Variants in XKR6 observed in about 807,000 individuals in gnomAD.
XKR6 encodes XK related 6.
XKR6 carries 22 observed loss-of-function variants against 56.7 expected under a neutral mutation model. The ratio of observed to expected loss-of-function variants is 0.39; its 90% CI spans 0.28 to 0.55. XKR6 has a LOEUF of 0.55. Ranked by LOEUF, XKR6 falls within the 20% of genes least tolerant of loss-of-function variation. XKR6 has a pLI of 0.66. For missense variants in XKR6, 852 were observed against 889.0 expected (o/e 0.96, Z 0.53); for synonymous variants, 524 against 387.8 (o/e 1.35, Z -4.13).
chr8:10,969,848 T>G (rs2129133526), intron 1 of XKR6, among the ~76,000 whole-genome samples: 1 of 152,112 alleles, frequency 6.6e-6, no homozygotes, highest in South Asian at 2.1e-4. Context: ...CTGCCTGGGG[T>G]GGTTTATTTG....
At chr8:11,052,966 G>C (rs980799264) in intron 1 of XKR6, among the ~76,000 whole-genome samples, 5 of 152,200 alleles carry the variant, frequency 3.3e-5, no homozygotes, top group African/African-American at 9.6e-5. Context: ...GGCATGTTTG[G>C]TCACAGTGCT....
intron 1 of XKR6, among the ~76,000 whole-genome samples, chr8:10,986,122 C>A (rs1347899625): frequency 1.3e-5 from 2 of 152,122 alleles, no homozygotes; most frequent in Non-Finnish European, 2.9e-5. Flanking sequence ...AGACCAGAAA[C>A]AGACTGAAGA....
intron 1 of XKR6, among the ~76,000 whole-genome samples, chr8:11,081,570 G>A (rs187404663): frequency 7.9e-5 from 12 of 152,270 alleles, no homozygotes; most frequent in Middle Eastern, 6.8e-3. Context: ...TTCCATCTCA[G>A]GAAATTCCCA....
intron 1 of XKR6, among the ~76,000 whole-genome samples, chr8:11,115,280 G>C (rs186466529): frequency 4.9e-4 from 74 of 152,260 alleles, no homozygotes; most frequent in Middle Eastern, 3.4e-3. Flanking sequence ...TTCTCATTTG[G>C]AGAATGCTGG....
At chr8:10,962,719 G>A (rs1357541958) in intron 1 of XKR6, among the ~76,000 whole-genome samples, 10 of 151,824 alleles carry the variant, frequency 6.6e-5, no homozygotes, top group African/African-American at 2.2e-4. Flanking sequence ...TCTGTCTCCC[G>A]GGTTCAAGCA....
chr8:11,105,297 G>A (rs1046378441), intron 1 of XKR6: 1 of 152,142 alleles, frequency 6.6e-6, no homozygotes. Context: ...ACATACATTA[G>A]AGAAAAGGAC....
At chr8:10,938,737 G>A (rs1223988800) in intron 1 of XKR6, among the ~76,000 whole-genome samples, 1 of 152,204 alleles carries the variant, frequency 6.6e-6, no homozygotes, top group Non-Finnish European at 1.5e-5. Context: ...GTGTTCTGGG[G>A]TGGTGGAACT....
chr8:11,106,859 A>T lies in XKR6; in HGVS notation c.764+93717T>A, dbSNP rs531766269. Among the ~76,000 whole-genome samples the T allele has an allele frequency of 2.7e-4, 41 of 149,212 alleles. 2 individuals are homozygous for T. Among genetic ancestry groups the T allele is most frequent in the Middle Eastern group, 6.8e-3 (2 of 294 alleles). Reference sequence around the variant, plus strand: ...GAGTGAGACTTCATCTCAAAAAAAAAAAAAAATAAAAAAGATACAACGTTA... The same window carrying T: ...GAGTGAGACTTCATCTCAAAAAAAATAAAAAATAAAAAAGATACAACGTTA... On this transcript the variant is annotated intron_variant, in intron 1 of 2. Transcript: ENST00000416569.
At position 11,182,028 on chromosome 8, in the gene XKR6, G is replaced by A. The variant is rs576876129; in HGVS notation, c.764+18548C>T. On this transcript the variant is annotated intron_variant, in intron 1 of 2. Transcript: ENST00000416569. ...TTGAACTCCCACACTCAAGCGATCC[G>A]CTCGCTTCCCAAAGTGCTGGGATTA... Among the ~76,000 whole-genome samples the A allele has an allele frequency of 5.3e-5, 8 of 152,248 alleles. No homozygotes were observed. The South Asian group carries it at 1.0e-3, about 20-fold the overall frequency.
At chr8:11,177,589 T>G (rs1802725208) in intron 1 of XKR6, among the ~76,000 whole-genome samples, 1 of 152,138 alleles carries the variant, frequency 6.6e-6, no homozygotes, top group African/African-American at 2.4e-5. Flanking sequence ...GGCAAGGCCC[T>G]TAATCCAACA....
chr8:10,991,938 T>C lies in XKR6; in HGVS notation c.765-67108A>G, dbSNP rs535691396. 1.1e-3 allele frequency among the ~76,000 whole-genome samples: 175 copies of C among 152,334 alleles called. 1 individual carries two copies. The highest frequency in any genetic ancestry group is 4.1e-3 in the African/African-American group (171 of 41,580). ...AAAGTAGAAAAATAAACCTGGATAA[T>C]TCTATTCCCCACTTAGATTCTGTAT... On this transcript the variant is annotated intron_variant, in intron 1 of 2. Coordinates refer to ENST00000416569, the MANE Select transcript of XKR6 (RefSeq NM_173683.4).
intron 1 of XKR6, chr8:11,108,070 G>T (rs1586554758): frequency 6.1e-6 from 2 of 330,020 alleles, no homozygotes; most frequent in African/African-American, 2.2e-5. Context: ...AGTGAACGAT[G>T]TAACAGGTGG....
chr8:11,116,668 G>C (rs1219706281), intron 1 of XKR6, among the ~76,000 whole-genome samples: 2 of 152,160 alleles, frequency 1.3e-5, no homozygotes, highest in African/African-American at 4.8e-5. Flanking sequence ...ACTACACCAG[G>C]CCTATTTGCT....
chr8:10,899,347 T>C (rs1441617789), intron 2 of XKR6, among the ~76,000 whole-genome samples: 1 of 152,254 alleles, frequency 6.6e-6, no homozygotes, highest in Admixed American at 6.5e-5. Flanking sequence ...TCGCCAATTG[T>C]GAAGACCAAG....
At chr8:10,955,587 A>AT (rs941535790) in intron 1 of XKR6, among the ~76,000 whole-genome samples, 23 of 152,158 alleles carry the variant, frequency 1.5e-4, no homozygotes, top group African/African-American at 5.6e-4. Context: ...TCATAGTCCC[A>AT]TTTTACAGAT....
chr8:11,123,793 C>G lies in XKR6; in HGVS notation c.764+76783G>C, dbSNP rs1204660637. The G allele has an allele frequency of 8.9e-6, 4 of 449,572 alleles. No homozygotes were observed. The East Asian group carries it at 2.8e-4, about 32-fold the overall frequency. The allele number at this position is 449,572 out of a possible 1,614,324, so 27.8% of individuals were successfully genotyped here. On this transcript the variant is annotated intron_variant, in intron 1 of 2. Transcript: ENST00000416569. ...GAAAAACAAAAAAGTCTCCTCATCT[C>G]AGTGTAATGCCAGACACTATTTGGA...
In XKR6 at chr8:10,898,645, G is replaced by A; in HGVS notation, c.1233C>T (p.Ser411=). ...TGTTGAAGAGGATCTCCTCCCACTT[G>A]GACATGCAGAAGTCTGTTCCGCCAT... ...IIHGGTDFCM[S]KWEEILFNMV... is the part of the protein sequence containing the mutation. The change falls in exon 3 of 3, where the codon TCC becomes TCT. Residue 411 remains serine (S), a synonymous_variant. Coordinates refer to ENST00000416569, the MANE Select transcript of XKR6 (RefSeq NM_173683.4). This position sits in a 1 kb window ranked among gnomAD's most constrained non-coding sequence, Gnocchi z 6.6. 1 of 1,614,134 alleles carries A rather than the reference G, an allele frequency of 6.2e-7. No individual in the cohort carries two copies. The highest frequency in any genetic ancestry group is 8.5e-7 in the Non-Finnish European group (1 of 1,180,024).
Position 10,896,731 on chromosome 8 carries a change from TA to T in XKR6, c.*1220del. 1 of 150,874 alleles carries T rather than the reference TA, an allele frequency of 6.6e-6. No homozygotes were observed. Among genetic ancestry groups the T allele is most frequent in the Non-Finnish European group, 1.5e-5 (1 of 67,756 alleles). The allele number at this position is 150,874 out of a possible 1,614,324, so 9.3% of individuals were successfully genotyped here. On this transcript the variant is annotated 3_prime_UTR_variant, in exon 3 of 3. Transcript: ENST00000416569. ...TTTTGACTTTTTATATATATGTATA[TA>T]TATATATATATTCTAGTTTTCCTCT...
intron 2 of XKR6, among the ~76,000 whole-genome samples, chr8:10,901,055 C>CT (rs35359233): frequency 0.055 from 6,755 of 122,246 alleles, 402 homozygotes; most frequent in African/African-American, 0.14. Flanking sequence ...GTTTCTACTT[C>CT]TTTTTTTTTT....
Sources: allele counts gnomAD v4.1 joint callset (sites outside exome capture counted in the v4.1 genomes callset), GRCh38; gene constraint gnomAD v4.1.1; non-coding constraint Gnocchi (gnomAD v3.1); transcripts MANE v1.5; gene names NCBI Gene and HGNC (gene_info 2026-07-23, HGNC 2026-07-21).